Variants in MAK16 observed in about 807,000 individuals in gnomAD.
MAK16 encodes the protein protein MAK16 homolog.
Under a neutral mutation model 49.9 loss-of-function variants are expected in MAK16, and 12 were observed. The observed-to-expected ratio is 0.24, with a 90% confidence interval of 0.15 to 0.39. MAK16 has a LOEUF of 0.39. Ranked by LOEUF, MAK16 falls within the 10% of genes least tolerant of loss-of-function variation. The pLI is 1.00. For synonymous variants in MAK16, 115 were observed against 126.4 expected (o/e 0.91, Z 0.60); for missense variants, 292 against 363.7 (o/e 0.80, Z 1.60).
At chr8:33,490,192 T>G (rs575643100) in intron 5 of MAK16, 93 bp from the exon 6 acceptor site, 1 of 1,022,510 alleles carries the variant, frequency 9.8e-7, no homozygotes, top group African/African-American at 1.6e-5. Flanking sequence ...GACTTCCATT[T>G]TAGTCACCAA....
intron 1 of MAK16, among the ~76,000 whole-genome samples, chr8:33,486,316 G>A (rs1808686350): frequency 6.6e-6 from 1 of 152,212 alleles, no homozygotes; most frequent in African/African-American, 2.4e-5. Context: ...GCTTTGGGAG[G>A]CTGGGGCTGG....
At position 33,499,072 on chromosome 8, in the gene MAK16, A is replaced by C; in HGVS notation, c.*443A>C. ...AGGAAGGAAAAAGCAGCTTTCACTT[A>C]CAAAGTTTCGTGTAAAAATATCTTT... On this transcript the variant is annotated 3_prime_UTR_variant, in exon 10 of 10. Transcript: ENST00000360128. 9.9e-7 allele frequency: 1 copy of C among 1,012,852 alleles called. No homozygotes were observed. The highest frequency in any genetic ancestry group is 1.5e-6 in the Non-Finnish European group (1 of 655,976). The allele number at this position is 1,012,852 out of a possible 1,614,324, so 62.7% of individuals were successfully genotyped here.
intron 6 of MAK16, among the ~76,000 whole-genome samples, chr8:33,494,474 C>T (rs1808824986): frequency 6.6e-6 from 1 of 152,166 alleles, no homozygotes; most frequent in South Asian, 2.1e-4. Flanking sequence ...TCTATGAATC[C>T]GCTTAACTAA....
Position 33,500,442 on chromosome 8 carries a change from A to G in MAK16, c.*1813A>G, listed in dbSNP as rs745419779. On this transcript the variant is annotated 3_prime_UTR_variant, in exon 10 of 10. Coordinates refer to ENST00000360128, the MANE Select transcript of MAK16 (RefSeq NM_032509.4). ...GGTTTGGATCCCTTGCTACATCACAAATCAGTTTCAAGAGGGCCTTCAGTA... is the reference window on the plus strand; with the variant it reads ...GGTTTGGATCCCTTGCTACATCACAGATCAGTTTCAAGAGGGCCTTCAGTA... The G allele has an allele frequency of 5.6e-6, 9 of 1,613,968 alleles. No individual in the cohort carries two copies. The highest frequency in any genetic ancestry group is 2.2e-5 in the East Asian group (1 of 44,894).
In MAK16 at chr8:33,498,579, A is replaced by G; in HGVS notation, c.853A>G (p.Ile285Val). 6.2e-7 allele frequency: 1 copy of G among 1,614,158 alleles called. No homozygotes were observed. Among genetic ancestry groups the G allele is most frequent in the Non-Finnish European group, 8.5e-7 (1 of 1,180,036 alleles). ...GCAGAGAAAACGAGCCTATGTGGAA[A>G]TAGAATACGAGCAGGAGACAGAGCC... ...PLQRKRAYVE[I>V]EYEQETEPVA... The change falls in exon 10 of 10, where the codon ATA becomes GTA. Residue 285 changes from isoleucine to valine, a missense_variant. Ile to Val is a conservative substitution (Grantham distance 29, BLOSUM62 3). Transcript: ENST00000360128.
intron 8 of MAK16, 62 bp downstream of exon 8, chr8:33,496,803 G>T (rs1249010646): frequency 8.1e-7 from 1 of 1,228,600 alleles, no homozygotes; most frequent in African/African-American, 1.5e-5. Context: ...CTGAGAAACA[G>T]AATATCATCT....
intron 1 of MAK16, among the ~76,000 whole-genome samples, chr8:33,486,178 A>G (rs902886193): frequency 1.3e-5 from 2 of 152,264 alleles, no homozygotes; most frequent in African/African-American, 4.8e-5. Flanking sequence ...TTAATGATCT[A>G]TGTTTGTGAA....
At position 33,496,656 on chromosome 8, in the gene MAK16, C is replaced by T. The variant is rs1563347765; in HGVS notation, c.554C>T (p.Ala185Val). 3 of 1,613,416 alleles carry T rather than the reference C, an allele frequency of 1.9e-6. No homozygotes were observed. The South Asian group carries it at 3.3e-5, about 18-fold the overall frequency. Reference protein sequence around the residue: ...YGDIYNFPIHAFDKALEQQEA... With the variant: ...YGDIYNFPIHVFDKALEQQEA... ...GACATCTACAACTTCCCCATTCATG[C>T]CTTCGACAAAGCCCTGGAACAACAG... Residue 185 changes from alanine (A) to valine (V), a missense_variant, in exon 8 of 10, where the codon GCC becomes GTC. Physicochemically the swap from Ala to Val is moderately conservative, Grantham distance 64. Coordinates refer to ENST00000360128, the MANE Select transcript of MAK16 (RefSeq NM_032509.4).
intron 1 of MAK16, among the ~76,000 whole-genome samples, chr8:33,488,147 C>A (rs896912960): frequency 1.1e-4 from 17 of 152,172 alleles, no homozygotes; most frequent in African/African-American, 3.9e-4. Context: ...AGGCTGGTCT[C>A]AAACTCCTCA....
Position 33,498,668 on chromosome 8 carries a change from G to GA in MAK16, c.*41dup. 2.4e-6 allele frequency: 3 copies of GA among 1,246,478 alleles called. No homozygotes were observed. Among genetic ancestry groups the GA allele is most frequent in the Non-Finnish European group, 3.4e-6 (3 of 892,628 alleles). The allele number at this position is 1,246,478 out of a possible 1,614,324, so 77.2% of individuals were successfully genotyped here. A position where few individuals can be genotyped will look rare whatever the true frequency, so the allele number is the denominator to read the frequency against. On this transcript the variant is annotated 3_prime_UTR_variant, in exon 10 of 10. Transcript: ENST00000360128. The stretch of plus-strand genomic sequence containing the variant: ...ATTTATACCCAGGACTGAACATGCA[G>GA]AACTGTTTTTTTTTTTTTTTTATCT...
chr8:33,495,043 T>C (rs940908023), intron 6 of MAK16, among the ~76,000 whole-genome samples: 1 of 152,346 alleles, frequency 6.6e-6, no homozygotes, highest in Non-Finnish European at 1.5e-5. Context: ...ATCAAATTAA[T>C]GCACCATCCT....
At position 33,490,329 on chromosome 8, in the gene MAK16, A is replaced by C. The variant is rs1174321086; in HGVS notation, c.437A>C (p.Lys146Thr). ...PLSKKVERRE[K>T]RREEKALIAA... is the part of the protein sequence containing the mutation. ...AGTAAGAAGGTGGAGCGTAGGGAGA[A>C]AAGAAGAGAGGTAACTTATTGTTGA... Residue 146 changes from lysine to threonine, a missense_variant, in exon 6 of 10, where the codon AAA becomes ACA. Physicochemically the swap from Lys to Thr is moderately conservative, Grantham distance 78. Transcript: ENST00000360128. The C allele has an allele frequency of 1.2e-6, 2 of 1,613,094 alleles. No homozygotes were observed. The highest frequency in any genetic ancestry group is 3.3e-5 in the Admixed American group (2 of 59,986).
At chr8:33,488,047 G>A (rs1191815108) in intron 1 of MAK16, among the ~76,000 whole-genome samples, 3 of 152,130 alleles carry the variant, frequency 2.0e-5, no homozygotes, top group Non-Finnish European at 2.9e-5. Context: ...TCCTGCCCCA[G>A]CCTCCCGAGT....
chr8:33,498,355 A>G, intron 9 of MAK16, 77 bp from the exon 10 acceptor site: 1 of 1,286,784 alleles, frequency 7.8e-7, no homozygotes, highest in Non-Finnish European at 1.1e-6. Context: ...TCTGTTCTAG[A>G]TTGAGGGGAC....
rs897523556 is a variant in MAK16, at chr8:33,489,686, T to C, written c.392+547T>C. Reference sequence around the variant, plus strand: ...CCACCATGCCCAGCCTTCAGAAAATTTCCTCTATGACCCCCGAGGGAATCT... The same window carrying C: ...CCACCATGCCCAGCCTTCAGAAAATCTCCTCTATGACCCCCGAGGGAATCT... On this transcript the variant is annotated intron_variant, in intron 5 of 9. Coordinates refer to ENST00000360128, the MANE Select transcript of MAK16 (RefSeq NM_032509.4). This position sits in a 1 kb window ranked among gnomAD's most constrained non-coding sequence, Gnocchi z 4.2. Among the ~76,000 whole-genome samples the C allele has an allele frequency of 6.6e-6, 1 of 152,136 alleles. No homozygotes were observed. The highest frequency in any genetic ancestry group is 1.5e-5 in the Non-Finnish European group (1 of 68,022).
In MAK16 at chr8:33,488,770, C is replaced by T. The variant is rs968732545; in HGVS notation, c.212C>T (p.Ala71Val). The T allele has an allele frequency of 1.8e-5, 29 of 1,614,038 alleles. No homozygotes were observed. The highest frequency in any genetic ancestry group is 4.5e-5 in the East Asian group (2 of 44,894). The change falls in exon 4 of 10, where the codon GCG becomes GTG. Residue 71 changes from alanine to valine, a missense_variant. Coordinates refer to ENST00000360128, the MANE Select transcript of MAK16 (RefSeq NM_032509.4). ...CYLYMKVIER[A>V]AFPRRLWERV... ...TTGTATATGAAGGTTATAGAACGAGCGGCTTTTCCTCGGCGTCTCTGGGAA... is the reference window on the plus strand; with the variant it reads ...TTGTATATGAAGGTTATAGAACGAGTGGCTTTTCCTCGGCGTCTCTGGGAA...
In MAK16 at chr8:33,499,556, A is replaced by G. The variant is rs75601808; in HGVS notation, c.*927A>G. 2,705 of 359,478 alleles carry G rather than the reference A, an allele frequency of 7.5e-3. 85 individuals are homozygous for G. The highest frequency in any genetic ancestry group is 0.052 in the African/African-American group (2,473 of 47,694). 22.3% of individuals were successfully genotyped at this position (359,478 alleles called of 1,614,324 possible). On this transcript the variant is annotated 3_prime_UTR_variant, in exon 10 of 10. Transcript: ENST00000360128. Reference sequence around the variant, plus strand: ...GCAGAATTCCAGCCAAGGCAAATTCAGTTGGATCTAGGGCTTGAAAACTGC... The same window carrying G: ...GCAGAATTCCAGCCAAGGCAAATTCGGTTGGATCTAGGGCTTGAAAACTGC...
chr8:33,488,177 C>G (rs1808718019), intron 1 of MAK16, among the ~76,000 whole-genome samples: 1 of 152,228 alleles, frequency 6.6e-6, no homozygotes, highest in Non-Finnish European at 1.5e-5. Context: ...ATCCGCCCAA[C>G]TCAGCCTCCC....
rs754176498 is a variant in MAK16 at position 33,498,672 on chromosome 8, TG to T, written c.*44del. The T allele has an allele frequency of 4.5e-5, 63 of 1,415,102 alleles. No individual in the cohort carries two copies. Among genetic ancestry groups the T allele is most frequent in the South Asian group, 1.8e-4 (14 of 77,998 alleles). 87.7% of individuals were successfully genotyped at this position (1,415,102 alleles called of 1,614,324 possible). ...ATACCCAGGACTGAACATGCAGAAC[TG>T]TTTTTTTTTTTTTTTTATCTTAAAC... On this transcript the variant is annotated 3_prime_UTR_variant, in exon 10 of 10. Coordinates refer to ENST00000360128, the MANE Select transcript of MAK16 (RefSeq NM_032509.4).
Sources: gnomAD v4.1 joint callset for allele counts (sites outside exome capture counted in the v4.1 genomes callset) on GRCh38, gnomAD v4.1.1 for gene constraint, Gnocchi (gnomAD v3.1) non-coding constraint, MANE v1.5 for transcripts, NCBI Gene and HGNC (gene_info 2026-07-23, HGNC 2026-07-21) for gene names.